PPP1R9A: variants seen among roughly 807,000 people sequenced by gnomAD.
The protein encoded by PPP1R9A is protein phosphatase 1 regulatory subunit 9A, also known as neurabin-1.
PPP1R9A carries 59 observed loss-of-function variants against 141.9 expected under a neutral mutation model. The observed-to-expected ratio is 0.42, with a 90% CI of 0.34 to 0.52. The LOEUF is 0.52. Among genes scored for constraint, PPP1R9A ranks in the 20% least tolerant of loss-of-function variants. The probability of loss-of-function intolerance (pLI) is 0.10; values close to 1 mark genes in which losing one functional copy is unlikely to be tolerated. For missense variants in PPP1R9A, 1,444 were observed against 1,611.9 expected, an observed-to-expected ratio of 0.90 and a Z score of 1.78; for synonymous variants, 500 against 569.7, an observed-to-expected ratio of 0.88 and a Z score of 1.74.
chr7:95,085,345 C>T (rs1816458127), intron 2 of PPP1R9A, among the ~76,000 whole-genome samples: 1 of 151,732 alleles, frequency 6.6e-6, no homozygotes, highest in African/African-American at 2.4e-5. Flanking sequence ...AGCGATTCTC[C>T]CATCTCGGCC....
intron 2 of PPP1R9A, among the ~76,000 whole-genome samples, chr7:94,981,612 ATTTTC>A (rs1376715841): frequency 1.3e-5 from 2 of 151,882 alleles, no homozygotes; most frequent in South Asian, 2.1e-4. Context: ...ATTACAGATA[ATTTTC>A]TTTTCAACCT....
intron 12 of PPP1R9A, among the ~76,000 whole-genome samples, chr7:95,255,882 C>G (rs1456209431): frequency 6.6e-6 from 1 of 152,010 alleles, no homozygotes; most frequent in Non-Finnish European, 1.5e-5. Flanking sequence ...CATTGTGACC[C>G]ATTCACAGTT....
At chr7:95,001,711 G>A (rs1802950336) in intron 2 of PPP1R9A, among the ~76,000 whole-genome samples, 2 of 152,074 alleles carry the variant, frequency 1.3e-5, no homozygotes, top group Admixed American at 1.3e-4. Context: ...TTGTTAATCA[G>A]TTCAGAGTTA....
chr7:95,248,764 T>G (rs1292531316), intron 9 of PPP1R9A, among the ~76,000 whole-genome samples: 5 of 152,332 alleles, frequency 3.3e-5, no homozygotes, highest in Admixed American at 3.3e-4. Flanking sequence ...ATCCACAGAT[T>G]AGCACTTTAT....
At chr7:95,279,834 C>T (rs1363448562) in intron 16 of PPP1R9A, among the ~76,000 whole-genome samples, 2 of 152,160 alleles carry the variant, frequency 1.3e-5, no homozygotes, top group African/African-American at 4.8e-5. Flanking sequence ...AACACCTAAG[C>T]AATATATCTG....
At chr7:95,115,167 T>C (rs1821261103) in intron 3 of PPP1R9A, among the ~76,000 whole-genome samples, 1 of 152,094 alleles carries the variant, frequency 6.6e-6, no homozygotes, top group Admixed American at 6.5e-5. Flanking sequence ...TCAATCATAA[T>C]ACTGAGTGGA....
intron 2 of PPP1R9A, among the ~76,000 whole-genome samples, chr7:94,934,923 G>A (rs1010300452): frequency 2.0e-5 from 3 of 151,940 alleles, no homozygotes; most frequent in Non-Finnish European, 2.9e-5. Flanking sequence ...CACAGGTGTG[G>A]TCATAATTCA....
At chr7:94,949,417 T>C (rs752676647) in intron 2 of PPP1R9A, among the ~76,000 whole-genome samples, 4 of 152,056 alleles carry the variant, frequency 2.6e-5, no homozygotes, top group African/African-American at 7.2e-5. Context: ...TGGTCTGACA[T>C]TGGAGGTATG....
At chr7:94,993,894 G>T (rs1801824359) in intron 2 of PPP1R9A, among the ~76,000 whole-genome samples, 1 of 152,270 alleles carries the variant, frequency 6.6e-6, no homozygotes, top group Non-Finnish European at 1.5e-5. Context: ...CCAGCTGAAT[G>T]TTGGATAAAA....
intron 5 of PPP1R9A, among the ~76,000 whole-genome samples, chr7:95,195,286 T>G (rs1402876576): frequency 1.3e-5 from 2 of 151,698 alleles, no homozygotes; most frequent in African/African-American, 2.4e-5. Flanking sequence ...ATCAGTTTTT[T>G]TTTTTTTTTC....
At chr7:95,063,433 C>T (rs1812520607) in intron 2 of PPP1R9A, among the ~76,000 whole-genome samples, 1 of 152,046 alleles carries the variant, frequency 6.6e-6, no homozygotes, top group Non-Finnish European at 1.5e-5. Flanking sequence ...GGTGTGGCAG[C>T]ACATGCCTGT....
intron 9 of PPP1R9A, among the ~76,000 whole-genome samples, chr7:95,248,725 A>G (rs757278865): frequency 3.3e-5 from 5 of 152,078 alleles, no homozygotes; most frequent in Non-Finnish European, 5.9e-5. Context: ...AGCATTTTAT[A>G]TTTTTTCATC....
intron 2 of PPP1R9A, among the ~76,000 whole-genome samples, chr7:95,069,028 A>T (rs1303867890): frequency 6.6e-6 from 1 of 152,196 alleles, no homozygotes; most frequent in Non-Finnish European, 1.5e-5. Flanking sequence ...TCTACTTTAA[A>T]CCATCTCTAG....
chr7:95,055,701 T>C (rs1811408187), intron 2 of PPP1R9A, among the ~76,000 whole-genome samples: 1 of 152,154 alleles, frequency 6.6e-6, no homozygotes, highest in Non-Finnish European at 1.5e-5. Context: ...TGGTTTCTTA[T>C]TAGTACACTC....
At chr7:95,073,507 C>A (rs1038520880) in intron 2 of PPP1R9A, among the ~76,000 whole-genome samples, 1 of 151,714 alleles carries the variant, frequency 6.6e-6, no homozygotes. Context: ...TTTGCAGCTA[C>A]CTTTCTCTAA....
At chr7:95,262,191 A>G (rs577120279) in intron 12 of PPP1R9A, among the ~76,000 whole-genome samples, 4 of 152,322 alleles carry the variant, frequency 2.6e-5, no homozygotes, top group Non-Finnish European at 5.9e-5. Context: ...AGACACTACA[A>G]TATCAATGTC....
At chr7:94,918,512 G>A (rs1476136728) in intron 2 of PPP1R9A, among the ~76,000 whole-genome samples, 1 of 151,978 alleles carries the variant, frequency 6.6e-6, no homozygotes, top group African/African-American at 2.4e-5. Context: ...AGGTAACAAA[G>A]TTCACCACTT....
At chr7:95,162,014 T>A (rs1269858085) in intron 5 of PPP1R9A, 43 bp downstream of exon 5, 2 of 1,268,278 alleles carry the variant, frequency 1.6e-6, no homozygotes. Flanking sequence ...GTTACTTTAG[T>A]TGAATTTTAA....
chr7:95,104,432 C>A (rs1335857581), intron 2 of PPP1R9A, among the ~76,000 whole-genome samples: 1 of 152,058 alleles, frequency 6.6e-6, no homozygotes, highest in African/African-American at 2.4e-5. Context: ...TTGCACCTTC[C>A]AGTTAAGCAA....
Sources: allele counts gnomAD v4.1 joint callset (sites outside exome capture counted in the v4.1 genomes callset), GRCh38; gene constraint gnomAD v4.1.1; transcripts MANE v1.5; gene names NCBI Gene and HGNC (gene_info 2026-07-23, HGNC 2026-07-21).